Variants in SPATA16 observed in about 807,000 individuals in gnomAD.
The protein encoded by SPATA16 is spermatogenesis-associated protein 16.
SPATA16 carries 36 observed loss-of-function variants against 63.3 expected under a neutral mutation model. The observed-to-expected ratio is 0.57, with a 90% CI of 0.44 to 0.75. SPATA16 has a LOEUF of 0.75. Among genes scored for constraint, SPATA16 ranks in the 30% least tolerant of loss-of-function variants. The pLI, the probability that SPATA16 is intolerant of heterozygous loss-of-function variation, is 0.00. For synonymous variants in SPATA16, 203 were observed against 216.7 expected, an observed-to-expected ratio of 0.94 and a Z score of 0.56; for missense variants, 646 against 679.3, an observed-to-expected ratio of 0.95 and a Z score of 0.54.
intron 2 of SPATA16, among the ~76,000 whole-genome samples, chr3:173,058,776 T>TA (rs937936507): frequency 3.2e-4 from 49 of 151,988 alleles, no homozygotes; most frequent in African/African-American, 1.2e-3. Flanking sequence ...TAATTAATTT[T>TA]AAAAAATGTG....
chr3:172,955,722 T>TTCCATGTA (rs1733578201), intron 6 of SPATA16, among the ~76,000 whole-genome samples: 3 of 152,212 alleles, frequency 2.0e-5, no homozygotes, highest in Non-Finnish European at 4.4e-5. Context: ...TGTAGCTTGA[T>TTCCATGTA]GGCATGTTCA....
intron 2 of SPATA16, among the ~76,000 whole-genome samples, chr3:173,108,027 A>T (rs1215133922): frequency 6.6e-6 from 1 of 152,178 alleles, no homozygotes; most frequent in African/African-American, 2.4e-5. Context: ...AACTATATTT[A>T]AAAATTTCAT....
At chr3:173,087,033 A>C (rs1338450251) in intron 2 of SPATA16, among the ~76,000 whole-genome samples, 2 of 152,106 alleles carry the variant, frequency 1.3e-5, no homozygotes, top group Non-Finnish European at 2.9e-5. Flanking sequence ...TTCTGTAGCT[A>C]TCTGCCAGGT....
chr3:173,084,500 T>C (rs781695811), intron 2 of SPATA16, among the ~76,000 whole-genome samples: 1 of 152,232 alleles, frequency 6.6e-6, no homozygotes, highest in Non-Finnish European at 1.5e-5. Flanking sequence ...TTTCTTTTGC[T>C]GTGCAGAAAC....
chr3:172,979,178 A>G lies in SPATA16; in HGVS notation c.849-2126T>C, dbSNP rs1290829524. 2.0e-5 allele frequency among the ~76,000 whole-genome samples: 3 copies of G among 152,152 alleles called. No homozygotes were observed. In the East Asian group the frequency reaches 5.8e-4, roughly 29 times the overall value. ...CGTGAACCCAGGAGGCGGAGCTTGC[A>G]GTGAGCCGAGATCGCGCCACTGCAC... On this transcript the variant is annotated intron_variant, in intron 4 of 10. Transcript: ENST00000351008.
At chr3:172,957,316 A>G (rs1733621540) in intron 5 of SPATA16, among the ~76,000 whole-genome samples, 2 of 150,974 alleles carry the variant, frequency 1.3e-5, no homozygotes, top group African/African-American at 4.9e-5. Context: ...TTTTGGAATT[A>G]AAAAAAAATC....
At chr3:173,029,864 A>G (rs896878436) in intron 3 of SPATA16, among the ~76,000 whole-genome samples, 1 of 152,108 alleles carries the variant, frequency 6.6e-6, no homozygotes, top group Non-Finnish European at 1.5e-5. Context: ...TGCAGCCTCA[A>G]CCTTAGTAGC....
At position 173,117,294 on chromosome 3, in the gene SPATA16, A is replaced by G. The variant is rs753473179; in HGVS notation, c.438T>C (p.Thr146=). The change falls in exon 2 of 11, where the codon ACT becomes ACC. Residue 146 remains threonine, a synonymous_variant. Coordinates refer to ENST00000351008, the MANE Select transcript of SPATA16 (RefSeq NM_031955.6). ...CAGCTTGGCATGTTGGCTGACTCCCAGTAGACATGAAGGACTCTACAAACT... is the reference window on the plus strand; with the variant it reads ...CAGCTTGGCATGTTGGCTGACTCCCGGTAGACATGAAGGACTCTACAAACT... ...RYEFVESFMS[T]GSQPTCQAAE... 6.2e-7 allele frequency: 1 copy of G among 1,614,174 alleles called. No homozygotes were observed. Among genetic ancestry groups the G allele is most frequent in the South Asian group, 1.1e-5 (1 of 91,082 alleles).
rs147614208 is a variant in SPATA16, at chr3:172,909,829, G to A, written c.1587+3832C>T. On this transcript the variant is annotated intron_variant, in intron 10 of 10. Transcript: ENST00000351008. Reference sequence around the variant, plus strand: ...AGCAATAGATAACAACTGTAATGTCGCAAAATAGTGGCAAATCCATCATAG... The same window carrying A: ...AGCAATAGATAACAACTGTAATGTCACAAAATAGTGGCAAATCCATCATAG... Among the ~76,000 whole-genome samples, 781 of 152,224 alleles carry A rather than the reference G, an allele frequency of 5.1e-3. 8 individuals carry two copies. Among genetic ancestry groups the A allele is most frequent in the African/African-American group, 0.018 (732 of 41,552 alleles).
chr3:172,891,460 C>T (rs1731894292), intron 10 of SPATA16, among the ~76,000 whole-genome samples: 1 of 152,186 alleles, frequency 6.6e-6, no homozygotes, highest in Non-Finnish European at 1.5e-5. Flanking sequence ...CTGTATCTGG[C>T]CTGTATGTTC....
rs563287050 is a variant in SPATA16 at position 173,016,683 on chromosome 3, T to G, written c.848+2803A>C. On this transcript the variant is annotated intron_variant, in intron 4 of 10. Transcript: ENST00000351008. ...ATAAAATACTTGTAAGAGGCCTGAATCAAACTACTCAAATCTCCAATAGAT... is the reference window on the plus strand; with the variant it reads ...ATAAAATACTTGTAAGAGGCCTGAAGCAAACTACTCAAATCTCCAATAGAT... Among the ~76,000 whole-genome samples, 6 of 152,288 alleles carry G rather than the reference T, an allele frequency of 3.9e-5. No homozygotes were observed. The South Asian group carries it at 1.2e-3, about 32-fold the overall frequency.
chr3:172,916,248 T>TTTTA, intron 9 of SPATA16, 69 bp downstream of exon 9: 1 of 1,538,988 alleles, frequency 6.5e-7, no homozygotes, highest in Non-Finnish European at 8.9e-7. Context: ...TTTTTTTTTT[T>TTTTA]CCCCAGACCA....
At chr3:173,097,016 A>G (rs1407634966) in intron 2 of SPATA16, among the ~76,000 whole-genome samples, 9 of 152,194 alleles carry the variant, frequency 5.9e-5, no homozygotes, top group African/African-American at 1.2e-4. Flanking sequence ...TCAGTTACCC[A>G]TGGTCAACTG....
chr3:172,929,824 A>G (rs1732827110), intron 6 of SPATA16, among the ~76,000 whole-genome samples: 1 of 152,198 alleles, frequency 6.6e-6, no homozygotes, highest in Non-Finnish European at 1.5e-5. Context: ...TCACTCCAAA[A>G]GTTAGTTAAA....
chr3:173,106,537 T>G lies in SPATA16; in HGVS notation c.612+10583A>C, dbSNP rs371777697. Among the ~76,000 whole-genome samples the G allele has an allele frequency of 7.9e-5, 12 of 152,332 alleles. 1 individual carries two copies. The highest frequency in any genetic ancestry group is 2.6e-4 in the Admixed American group (4 of 15,292). ...GTAACTACTCAATAAATATTTTTTA[T>G]GTCCTTTGCTGATTCCCAGTGGATC... On this transcript the variant is annotated intron_variant, in intron 2 of 10. Transcript: ENST00000351008.
At chr3:173,080,080 T>C (rs1736890676) in intron 2 of SPATA16, among the ~76,000 whole-genome samples, 1 of 152,194 alleles carries the variant, frequency 6.6e-6, no homozygotes, top group South Asian at 2.1e-4. Flanking sequence ...TTATTTGTGG[T>C]TTTAATTTCT....
rs540407276 is a variant in SPATA16, at chr3:173,011,899, G to A, written c.848+7587C>T. Among the ~76,000 whole-genome samples, 10 of 152,166 alleles carry A rather than the reference G, an allele frequency of 6.6e-5. No individual in the cohort carries two copies. In the East Asian group the frequency reaches 1.4e-3, roughly 21 times the overall value. On this transcript the variant is annotated intron_variant, in intron 4 of 10. Transcript: ENST00000351008. ...CATGATCATAGTTCATTCCAGCCTC[G>A]AACTCCTGGGCTTAAGCGATCTTCC...
chr3:173,141,013 C>T (rs920430854), intron 1 of SPATA16, 90 bp downstream of exon 1: 1 of 152,342 alleles, frequency 6.6e-6, no homozygotes, highest in African/African-American at 2.4e-5. Context: ...CTTACTCCAT[C>T]TTCACCTGAG....
At chr3:173,099,759 G>A (rs1737445549) in intron 2 of SPATA16, among the ~76,000 whole-genome samples, 1 of 152,130 alleles carries the variant, frequency 6.6e-6, no homozygotes, top group African/African-American at 2.4e-5. Flanking sequence ...GTTGTGTGGG[G>A]GTGAGCTGAT....
Sources: allele counts gnomAD v4.1 joint callset (sites outside exome capture counted in the v4.1 genomes callset), GRCh38; gene constraint gnomAD v4.1.1; transcripts MANE v1.5; gene names NCBI Gene and HGNC (gene_info 2026-07-23, HGNC 2026-07-21).